PRC1: variants seen among roughly 807,000 people sequenced by gnomAD.
PRC1 encodes protein regulator of cytokinesis 1.
In PRC1, 54 loss-of-function variants were observed where a neutral mutation model predicts 91.2. The observed-to-expected ratio is 0.59, with a 90% CI of 0.48 to 0.74. PRC1 has a LOEUF of 0.74. Ranked by LOEUF, PRC1 falls within the 30% of genes least tolerant of loss-of-function variation. The pLI is 0.00. For synonymous variants in PRC1, 275 were observed against 263.6 expected (o/e 1.04, Z -0.42); for missense variants, 727 against 746.2 (o/e 0.97, Z 0.30).
chr15:90,990,153 T>C (rs1274338360), intron 1 of PRC1, among the ~76,000 whole-genome samples: 1 of 151,912 alleles, frequency 6.6e-6, no homozygotes, highest in African/African-American at 2.4e-5. Context: ...CTGGCCAATA[T>C]GGTGAAACCC....
Position 90,981,948 on chromosome 15 carries a change from T to C in PRC1, c.301A>G (p.Lys101Glu), listed in dbSNP as rs1210228942. ...AATTCCACTTGGGTGCGCAAATCTT[T>C]TTCTAGTTGCAAGATGGTCGTCTCT... ...EGETTILQLE[K>E]DLRTQVELMR... Residue 101 changes from lysine to glutamate, a missense_variant, in exon 4 of 15, where the codon AAA (lysine) becomes GAA (glutamate). Physicochemically the swap from Lys to Glu is moderately conservative, Grantham distance 56 (BLOSUM62 1). Transcript: ENST00000394249. The C allele has an allele frequency of 6.2e-7, 1 of 1,614,102 alleles. No individual in the cohort carries two copies. Among genetic ancestry groups the C allele is most frequent in the Non-Finnish European group, 8.5e-7 (1 of 1,180,046 alleles).
At chr15:90,968,721 T>C in intron 14 of PRC1, 1 of 1,117,060 alleles carries the variant, frequency 9.0e-7, no homozygotes, top group South Asian at 2.4e-5. Flanking sequence ...AGAGCCTCAT[T>C]GTAGGCAGCA....
At chr15:90,986,549 G>C (rs1177775870) in intron 1 of PRC1, among the ~76,000 whole-genome samples, 1 of 152,166 alleles carries the variant, frequency 6.6e-6, no homozygotes, top group East Asian at 1.9e-4. Flanking sequence ...TTGAACCCGG[G>C]AGGCAGGGTT....
chr15:90,975,140 C>T (rs576561124), intron 9 of PRC1, among the ~76,000 whole-genome samples: 1 of 152,242 alleles, frequency 6.6e-6, no homozygotes, highest in African/African-American at 2.4e-5. Context: ...CAGTCTCACT[C>T]TGTCGCCCAG....
chr15:90,994,267 C>T (rs1016768502), intron 1 of PRC1, 140 bp downstream of exon 1: 6 of 1,345,696 alleles, frequency 4.5e-6, no homozygotes, highest in Admixed American at 4.1e-5. Flanking sequence ...CCCCTCAGCG[C>T]CCCCGGCCTC....
In PRC1 at chr15:90,967,802, T is replaced by C. The variant is rs530574597; in HGVS notation, c.1792-600A>G. On this transcript the variant is annotated intron_variant, in intron 14 of 14. Coordinates refer to ENST00000394249, the MANE Select transcript of PRC1 (RefSeq NM_003981.4). ...TGCACAATGAAATTGCCCCACATTCTCAGAACATATCCCTGTCATTAAGCG... is the reference window on the plus strand; with the variant it reads ...TGCACAATGAAATTGCCCCACATTCCCAGAACATATCCCTGTCATTAAGCG... 5.4e-4 allele frequency: 527 copies of C among 974,656 alleles called. 2 individuals carry two copies. The African/African-American group carries it at 8.8e-3, about 16-fold the overall frequency. The allele number at this position is 974,656 out of a possible 1,614,324, so 60.4% of individuals were successfully genotyped here. A position where few individuals can be genotyped will look rare whatever the true frequency, so the allele number is the denominator to read the frequency against.
Position 90,974,299 on chromosome 15 carries a change from G to T in PRC1, c.1351-53C>A. 1 of 1,488,938 alleles carries T rather than the reference G, an allele frequency of 6.7e-7. No individual in the cohort carries two copies. Among genetic ancestry groups the T allele is most frequent in the Non-Finnish European group, 9.4e-7 (1 of 1,069,264 alleles). 92.2% of individuals were successfully genotyped at this position (1,488,938 alleles called of 1,614,324 possible). ...TAAATCTCAGGAAGAGAGCGGGTCT[G>T]GGATGGCAACAGCAGCAGGGCCGGG... On this transcript the variant is annotated intron_variant, in intron 10 of 14. Coordinates refer to ENST00000394249, the MANE Select transcript of PRC1 (RefSeq NM_003981.4). The surrounding 1 kb of genome is among the most constrained non-coding windows in gnomAD (Gnocchi z 4.6).
In PRC1 at chr15:90,980,346, T is replaced by C. The variant is rs772414418; in HGVS notation, c.866A>G (p.Asn289Ser). ...AATTGCCTCAATCACTTTCTTCATG[T>C]TTTGCATTTTCAGTTCTTCCAACCG... Reference protein sequence around the residue: ...VDRLEELKMQNMKKVIEAIRV... With the variant: ...VDRLEELKMQSMKKVIEAIRV... The change falls in exon 7 of 15, where the codon AAC (asparagine) becomes AGC (serine). Residue 289 changes from asparagine (N) to serine (S), a missense_variant. Asn to Ser is a conservative substitution (Grantham distance 46). Coordinates refer to ENST00000394249, the MANE Select transcript of PRC1 (RefSeq NM_003981.4). 4.3e-6 allele frequency: 7 copies of C among 1,614,110 alleles called. No individual in the cohort carries two copies. The highest frequency in any genetic ancestry group is 4.2e-6 in the Non-Finnish European group (5 of 1,180,018).
chr15:90,989,976 C>T lies in PRC1; in HGVS notation c.11+4431G>A, dbSNP rs531894842. Among the ~76,000 whole-genome samples the T allele has an allele frequency of 1.5e-3, 232 of 152,184 alleles. 1 individual carries two copies. Among genetic ancestry groups the T allele is most frequent in the Middle Eastern group, 0.01 (3 of 294 alleles). ...AACTTCCTAGGCTCAGGTGATCCTC[C>T]CACCTGAGCCTCCGGAGTAGCTGGG... On this transcript the variant is annotated intron_variant, in intron 1 of 14. Transcript: ENST00000394249.
chr15:90,979,599 C>T (rs1309168667), intron 7 of PRC1, among the ~76,000 whole-genome samples: 1 of 152,146 alleles, frequency 6.6e-6, no homozygotes, highest in African/African-American at 2.4e-5. Context: ...TCTTGCCCAG[C>T]CAGTAGAGGG....
chr15:90,966,508 C>T lies in PRC1; in HGVS notation c.*623G>A. The stretch of plus-strand genomic sequence containing the variant: ...AGCATGTGTGTTCATACATGCATAC[C>T]CCCAACAAAGGGCAATGCACTGTGT... On this transcript the variant is annotated 3_prime_UTR_variant, in exon 15 of 15. Coordinates refer to ENST00000394249, the MANE Select transcript of PRC1 (RefSeq NM_003981.4). The T allele has an allele frequency of 2.2e-6, 1 of 450,674 alleles. No homozygotes were observed. Among genetic ancestry groups the T allele is most frequent in the Non-Finnish European group, 4.5e-6 (1 of 223,164 alleles). The allele number at this position is 450,674 out of a possible 1,614,324, so 27.9% of individuals were successfully genotyped here.
In PRC1 at chr15:90,969,512, C is replaced by T; in HGVS notation, c.1684G>A (p.Gly562Ser). 1 of 1,613,420 alleles carries T rather than the reference C, an allele frequency of 6.2e-7. No homozygotes were observed. Among genetic ancestry groups the T allele is most frequent in the Non-Finnish European group, 8.5e-7 (1 of 1,179,542 alleles). ...NGSILSGGYP[G>S]SAPLQRNFSI... The stretch of plus-strand genomic sequence containing the variant: ...AAGTTGCGCTGGAGGGGGGCCGAGC[C>T]AGGGTACCCACCACTCAGGATGCTG... The change falls in exon 13 of 15, where the codon GGC becomes AGC. Residue 562 changes from glycine to serine, a missense_variant. Gly to Ser is a moderately conservative substitution (Grantham distance 56, BLOSUM62 0). Coordinates refer to ENST00000394249, the MANE Select transcript of PRC1 (RefSeq NM_003981.4).
chr15:90,980,426 G>C, intron 6 of PRC1, 37 bp from the exon 7 acceptor site: 2 of 1,556,784 alleles, frequency 1.3e-6, no homozygotes, highest in South Asian at 1.1e-5. Context: ...GGCTGCCATA[G>C]TTTTATATTC....
intron 11 of PRC1, among the ~76,000 whole-genome samples, chr15:90,971,738 C>G (rs1375877569): frequency 6.6e-6 from 1 of 151,968 alleles, no homozygotes; most frequent in Non-Finnish European, 1.5e-5. Context: ...TGCCTGTAAT[C>G]CCAGCTACTC....
At chr15:90,988,866 C>T (rs1402904242) in intron 1 of PRC1, among the ~76,000 whole-genome samples, 2 of 152,166 alleles carry the variant, frequency 1.3e-5, no homozygotes, top group African/African-American at 4.8e-5. Context: ...ATGCTCCTAA[C>T]CTACCTAACC....
At chr15:90,991,218 C>T (rs1339446269) in intron 1 of PRC1, among the ~76,000 whole-genome samples, 1 of 151,502 alleles carries the variant, frequency 6.6e-6, no homozygotes, top group Non-Finnish European at 1.5e-5. Flanking sequence ...GAGCTCGAGA[C>T]CAGCCTGGCC....
At chr15:90,969,199 G>A (rs2037826505) in intron 13 of PRC1, 79 bp from the exon 14 acceptor site, 2 of 1,446,282 alleles carry the variant, frequency 1.4e-6, no homozygotes, top group African/African-American at 1.4e-5. Context: ...GTTGCCTCCT[G>A]CAGCCAGGGA....
At chr15:90,987,503 T>A (rs2039670688) in intron 1 of PRC1, 1 of 152,242 alleles carries the variant, frequency 6.6e-6, no homozygotes, top group South Asian at 2.1e-4. Flanking sequence ...AAAAATTATT[T>A]ATCTAAAATA....
chr15:90,980,984 G>A lies in PRC1; in HGVS notation c.722C>T (p.Thr241Ile), dbSNP rs760507368. 6.2e-7 allele frequency: 1 copy of A among 1,614,188 alleles called. No individual in the cohort carries two copies. Among genetic ancestry groups the A allele is most frequent in the Non-Finnish European group, 8.5e-7 (1 of 1,180,040 alleles). Residue 241 changes from threonine (T) to isoleucine (I), a missense_variant, in exon 6 of 15, where the codon ACT becomes ATT. Coordinates refer to ENST00000394249, the MANE Select transcript of PRC1 (RefSeq NM_003981.4). Reference protein sequence around the residue: ...QNEAVCEGLRTQIRELWDRLQ... With the variant: ...QNEAVCEGLRIQIRELWDRLQ... Reference sequence around the variant, plus strand: ...CCTGTCCCAGAGCTCTCGGATTTGAGTACGCAGCCCCTCACACACTGCTTC... The same window carrying A: ...CCTGTCCCAGAGCTCTCGGATTTGAATACGCAGCCCCTCACACACTGCTTC...
Sources: gnomAD v4.1 joint callset for allele counts (sites outside exome capture counted in the v4.1 genomes callset) on GRCh38, gnomAD v4.1.1 for gene constraint, Gnocchi (gnomAD v3.1) non-coding constraint, MANE v1.5 for transcripts, NCBI Gene and HGNC (gene_info 2026-07-23, HGNC 2026-07-21) for gene names.